ASPH: variants seen among roughly 807,000 people sequenced by gnomAD.
ASPH encodes the protein aspartate beta-hydroxylase, also known as aspartyl/asparaginyl beta-hydroxylase.
Under a neutral mutation model 118.4 loss-of-function variants are expected in ASPH, and 100 were observed. The observed-to-expected ratio is 0.84, with a 90% CI of 0.72 to 1.00. The LOEUF (loss-of-function observed/expected upper bound fraction) is 1.00. Ranked by LOEUF, ASPH falls within the 50% of genes least tolerant of loss-of-function variation. The pLI, the probability that ASPH is intolerant of heterozygous loss-of-function variation, is 0.00. For missense variants in ASPH, 920 were observed against 919.5 expected (o/e 1.00, Z -0.01); for synonymous variants, 315 against 325.6 (o/e 0.97, Z 0.35).
intron 2 of ASPH, chr8:61,682,291 G>T: frequency 1.3e-6 from 1 of 768,004 alleles, no homozygotes; most frequent in South Asian, 1.9e-5. Context: ...GTAAAAGATA[G>T]AAAATACTAC....
chr8:61,523,804 A>T (rs981760460), intron 22 of ASPH, among the ~76,000 whole-genome samples: 1 of 152,210 alleles, frequency 6.6e-6, no homozygotes, highest in Non-Finnish European at 1.5e-5. Flanking sequence ...TAAAATTTGA[A>T]GCAGGCTGAG....
chr8:61,574,408 T>C (rs145262187), intron 16 of ASPH, among the ~76,000 whole-genome samples: 58 of 152,354 alleles, frequency 3.8e-4, no homozygotes, highest in Middle Eastern at 6.8e-3. Flanking sequence ...CATCTGTTTA[T>C]TGTGGCACCA....
chr8:61,709,341 A>T (rs72659056), intron 1 of ASPH, among the ~76,000 whole-genome samples: 23,487 of 152,060 alleles, frequency 0.15, 1,911 homozygotes, highest in South Asian at 0.3. Flanking sequence ...AAGTATAATT[A>T]AAAAAAAGTT....
intron 13 of ASPH, among the ~76,000 whole-genome samples, chr8:61,630,049 T>C (rs1478781425): frequency 2.0e-5 from 3 of 152,176 alleles, no homozygotes. Flanking sequence ...GCCTACATAA[T>C]GCTTAATAAA....
chr8:61,520,416 A>T (rs1042868749), intron 22 of ASPH, among the ~76,000 whole-genome samples: 1 of 152,252 alleles, frequency 6.6e-6, no homozygotes, highest in Non-Finnish European at 1.5e-5. Context: ...TTGTGTCCTA[A>T]GATAATCACA....
chr8:61,519,753 G>A (rs886815658), intron 22 of ASPH, among the ~76,000 whole-genome samples: 1 of 152,202 alleles, frequency 6.6e-6, no homozygotes, highest in Non-Finnish European at 1.5e-5. Flanking sequence ...CTCTGAAGAT[G>A]GAAGGGGGCC....
chr8:61,670,209 A>G (rs1821722622), intron 3 of ASPH, among the ~76,000 whole-genome samples: 1 of 152,104 alleles, frequency 6.6e-6, no homozygotes, highest in Admixed American at 6.6e-5. Flanking sequence ...TAACAATGAA[A>G]CAAAAAGAGA....
At position 61,629,832 on chromosome 8, in the gene ASPH, A is replaced by T. The variant is rs148612575; in HGVS notation, c.934+3851T>A. 8.5e-5 allele frequency among the ~76,000 whole-genome samples: 13 copies of T among 152,298 alleles called. No individual in the cohort carries two copies. The East Asian group carries it at 2.5e-3, about 29-fold the overall frequency. On this transcript the variant is annotated intron_variant, in intron 13 of 24. Coordinates refer to ENST00000379454, the MANE Select transcript of ASPH (RefSeq NM_004318.4). ...TCTTCATTTATTTAAAATCCTTTGA[A>T]AAACGGCAGCTGACAGTGTGGACTC...
chr8:61,663,394 G>A, intron 3 of ASPH: 2 of 985,434 alleles, frequency 2.0e-6, no homozygotes, highest in Non-Finnish European at 2.4e-6. Context: ...TCTGCATTGG[G>A]ATTGGTAAAC....
intron 14 of ASPH, among the ~76,000 whole-genome samples, chr8:61,595,181 A>C (rs1177227937): frequency 6.6e-6 from 1 of 152,234 alleles, no homozygotes; most frequent in Non-Finnish European, 1.5e-5. Flanking sequence ...ACATTACAAA[A>C]TTGATTAATC....
At chr8:61,698,957 C>G (rs1002138721) in intron 1 of ASPH, among the ~76,000 whole-genome samples, 1 of 152,160 alleles carries the variant, frequency 6.6e-6, no homozygotes, top group Non-Finnish European at 1.5e-5. Flanking sequence ...GGTCTTTGCC[C>G]TTGGTTACTT....
chr8:61,512,406 G>A (rs1809238598), intron 24 of ASPH, among the ~76,000 whole-genome samples: 1 of 152,160 alleles, frequency 6.6e-6, no homozygotes, highest in African/African-American at 2.4e-5. Flanking sequence ...TGAACACAGA[G>A]GCAGGGACTG....
In ASPH at chr8:61,517,245, T is replaced by C. The variant is rs543737305; in HGVS notation, c.2126+283A>G. On this transcript the variant is annotated intron_variant, in intron 24 of 24. Coordinates refer to ENST00000379454, the MANE Select transcript of ASPH (RefSeq NM_004318.4). ...TCAATGCATGTTGGCTGACTCTGAA[T>C]GCACATCTGTCTACCCAGAGAGAGA... is the stretch of plus-strand genomic sequence containing the variant. The C allele has an allele frequency of 5.9e-5, 21 of 354,166 alleles. 1 individual carries two copies. The South Asian group carries it at 9.8e-4, about 16-fold the overall frequency. The allele number at this position is 354,166 out of a possible 1,614,324, so 21.9% of individuals were successfully genotyped here.
intron 14 of ASPH, among the ~76,000 whole-genome samples, chr8:61,595,308 T>C (rs1390225475): frequency 3.9e-5 from 6 of 152,202 alleles, no homozygotes; most frequent in African/African-American, 1.4e-4. Flanking sequence ...ACTTGAGCAA[T>C]AGCAGGATGA....
chr8:61,529,279 A>G (rs924163485), intron 21 of ASPH, among the ~76,000 whole-genome samples: 2 of 152,330 alleles, frequency 1.3e-5, no homozygotes, highest in South Asian at 4.1e-4. Context: ...GAGGTACCCC[A>G]GCCTCCTGGT....
At chr8:61,659,868 T>C (rs1013291974) in intron 3 of ASPH, 3 of 152,144 alleles carry the variant, frequency 2.0e-5, no homozygotes, top group Admixed American at 6.5e-5. Context: ...GACATCTAAA[T>C]GGCAATATTT....
chr8:61,596,595 C>T (rs13250696), intron 14 of ASPH, among the ~76,000 whole-genome samples: 60,437 of 152,188 alleles, frequency 0.4, 14,226 homozygotes, highest in Non-Finnish European at 0.53. Flanking sequence ...CACTAAAATT[C>T]ACAGCTAAAC....
chr8:61,567,639 G>A (rs971743889), intron 16 of ASPH, among the ~76,000 whole-genome samples: 3 of 152,094 alleles, frequency 2.0e-5, no homozygotes, highest in Admixed American at 6.6e-5. Flanking sequence ...CCAAGTTCCC[G>A]TTCTTTCATT....
intron 1 of ASPH, among the ~76,000 whole-genome samples, chr8:61,707,729 G>A (rs1465175439): frequency 6.6e-6 from 1 of 152,194 alleles, no homozygotes; most frequent in Non-Finnish European, 1.5e-5. Flanking sequence ...TTCATATGGT[G>A]TAGAACTACA....
Sources: allele counts gnomAD v4.1 joint callset (sites outside exome capture counted in the v4.1 genomes callset), GRCh38; gene constraint gnomAD v4.1.1; transcripts MANE v1.5; gene names NCBI Gene and HGNC (gene_info 2026-07-23, HGNC 2026-07-21).